Variants in MPPED2 observed in about 807,000 individuals in gnomAD.
The protein encoded by MPPED2 is metallophosphoesterase domain containing 2, also known as metallophosphoesterase MPPED2.
MPPED2 carries 5 observed loss-of-function variants against 33.0 expected under a neutral mutation model. The ratio of observed to expected loss-of-function variants is 0.15; its 90% CI spans 0.08 to 0.32. The LOEUF is 0.32. MPPED2 is among the 10% of genes least tolerant of loss of function. The pLI, the probability that MPPED2 is intolerant of heterozygous loss-of-function variation, is 1.00. For missense variants in MPPED2, 275 were observed against 372.1 expected (o/e 0.74, Z 2.15); for synonymous variants, 136 against 141.9 (o/e 0.96, Z 0.29).
intron 4 of MPPED2, among the ~76,000 whole-genome samples, chr11:30,487,632 C>A (rs1412511962): frequency 1.3e-5 from 2 of 151,972 alleles, no homozygotes; most frequent in African/African-American, 2.4e-5. Flanking sequence ...AAGCACATAC[C>A]ATGCCTGGCT....
At chr11:30,502,343 G>A (rs1374447911) in intron 3 of MPPED2, among the ~76,000 whole-genome samples, 3 of 152,004 alleles carry the variant, frequency 2.0e-5, no homozygotes, top group Admixed American at 6.6e-5. Flanking sequence ...AGCATTTATG[G>A]CCCTTTTAGT....
At chr11:30,512,540 A>G (rs1426386925) in intron 3 of MPPED2, among the ~76,000 whole-genome samples, 1 of 152,160 alleles carries the variant, frequency 6.6e-6, no homozygotes. Context: ...GGAGGGATAA[A>G]GTTTTACCCC....
intron 4 of MPPED2, among the ~76,000 whole-genome samples, chr11:30,426,708 C>G (rs975275947): frequency 6.6e-6 from 1 of 152,212 alleles, no homozygotes; most frequent in African/African-American, 2.4e-5. Flanking sequence ...AGTCTTTAAA[C>G]TTTGGCCTTC....
chr11:30,420,176 G>T (rs1026236001), intron 4 of MPPED2, among the ~76,000 whole-genome samples: 1 of 152,150 alleles, frequency 6.6e-6, no homozygotes, highest in Non-Finnish European at 1.5e-5. Context: ...ATCTAGGTCG[G>T]CCCAGTGTAA....
At chr11:30,495,224 C>T (rs1952198229) in intron 4 of MPPED2, 72 bp downstream of exon 4, 1 of 1,046,248 alleles carries the variant, frequency 9.6e-7, no homozygotes. Context: ...TTTAAAGCAT[C>T]TAAATCTGAG....
chr11:30,391,134 A>G (rs918086292), intron 6 of MPPED2, among the ~76,000 whole-genome samples: 1 of 152,144 alleles, frequency 6.6e-6, no homozygotes, highest in Non-Finnish European at 1.5e-5. Context: ...GAAGAGATGG[A>G]ACTGTCTAGG....
At chr11:30,482,550 T>C (rs941605863) in intron 4 of MPPED2, among the ~76,000 whole-genome samples, 9 of 152,332 alleles carry the variant, frequency 5.9e-5, no homozygotes, top group Non-Finnish European at 1.3e-4. Context: ...TGATTTTCTA[T>C]ATTTAACTAT....
chr11:30,407,732 G>C (rs956427360), downstream of MPPED2, among the ~76,000 whole-genome samples: 1 of 152,066 alleles, frequency 6.6e-6, no homozygotes, highest in Admixed American at 6.5e-5. Context: ...TTAGCTGGGC[G>C]CGGTGGCACG....
intron 4 of MPPED2, among the ~76,000 whole-genome samples, chr11:30,476,260 A>T (rs1475682242): frequency 3.3e-5 from 5 of 152,002 alleles, no homozygotes; most frequent in African/African-American, 9.7e-5. Context: ...TGAAAATTTT[A>T]AAATTTTGTC....
At position 30,566,017 on chromosome 11, in the gene MPPED2, TA is replaced by T. The variant is rs201730390; in HGVS notation, c.128+14228del. ...TGTAAAAATTTTAAGAGTTTACTAT[TA>T]AAAAAAAAATGTAGAGTTGTTAAAC... On this transcript the variant is annotated intron_variant, in intron 2 of 6. Coordinates refer to ENST00000358117, the MANE Select transcript of MPPED2 (RefSeq NM_001584.3). Among the ~76,000 whole-genome samples the T allele has an allele frequency of 8.0e-3, 1,196 of 150,376 alleles. 15 individuals are homozygous for T. Among genetic ancestry groups the T allele is most frequent in the African/African-American group, 0.027 (1,105 of 41,064 alleles).
At chr11:30,492,628 A>G (rs1172313568) in intron 4 of MPPED2, among the ~76,000 whole-genome samples, 1 of 152,060 alleles carries the variant, frequency 6.6e-6, no homozygotes, top group Non-Finnish European at 1.5e-5. Context: ...CCCAGATTAC[A>G]GTTTGACAGG....
chr11:30,429,083 G>T (rs1421487459), intron 4 of MPPED2: 1 of 152,184 alleles, frequency 6.6e-6, no homozygotes, highest in East Asian at 1.9e-4. Flanking sequence ...TTGGGAGATA[G>T]AAAAGAGAAG....
chr11:30,437,361 A>C (rs1949369217), intron 4 of MPPED2, among the ~76,000 whole-genome samples: 1 of 152,226 alleles, frequency 6.6e-6, no homozygotes, highest in Admixed American at 6.5e-5. Context: ...CTAGAAGCTG[A>C]AAAAGGGACT....
intron 2 of MPPED2, among the ~76,000 whole-genome samples, chr11:30,571,155 CT>C (rs762616097): frequency 0.019 from 2,670 of 140,498 alleles, 38 homozygotes; most frequent in Admixed American, 0.06. Flanking sequence ...CTTTCTTTTT[CT>C]TTTTTTTTTT....
At chr11:30,555,052 T>C (rs1955901572) in intron 2 of MPPED2, among the ~76,000 whole-genome samples, 1 of 152,222 alleles carries the variant, frequency 6.6e-6, no homozygotes, top group Non-Finnish European at 1.5e-5. Context: ...TACCATCATC[T>C]ACTTAATTCA....
chr11:30,512,614 T>C (rs757954621), intron 3 of MPPED2, among the ~76,000 whole-genome samples: 2 of 152,192 alleles, frequency 1.3e-5, no homozygotes, highest in Non-Finnish European at 2.9e-5. Context: ...ACCGGGATTG[T>C]ACAAACCCTT....
intron 3 of MPPED2, among the ~76,000 whole-genome samples, chr11:30,496,960 G>A (rs926054726): frequency 2.6e-5 from 4 of 152,064 alleles, no homozygotes; most frequent in African/African-American, 9.7e-5. Context: ...GCAATAATGG[G>A]GAGGCTTAAG....
chr11:30,527,875 A>T (rs1444763722), intron 3 of MPPED2, among the ~76,000 whole-genome samples: 1 of 152,234 alleles, frequency 6.6e-6, no homozygotes, highest in Non-Finnish European at 1.5e-5. Context: ...CTGTCACTGC[A>T]CAGCATGCTC....
intron 4 of MPPED2, among the ~76,000 whole-genome samples, chr11:30,486,677 G>A (rs1951756767): frequency 6.6e-6 from 1 of 152,170 alleles, no homozygotes; most frequent in Non-Finnish European, 1.5e-5. Flanking sequence ...GTACTGTGAG[G>A]TTTAATGTAA....
Sources: allele counts gnomAD v4.1 joint callset (sites outside exome capture counted in the v4.1 genomes callset), GRCh38; gene constraint gnomAD v4.1.1; transcripts MANE v1.5; gene names NCBI Gene and HGNC (gene_info 2026-07-23, HGNC 2026-07-21).